HPD: variants seen among roughly 807,000 people sequenced by gnomAD.
HPD encodes the protein 4-hydroxyphenylpyruvic acid oxidase.
A neutral mutation model predicts 56.9 loss-of-function variants in HPD; 35 were observed. The ratio of observed to expected loss-of-function variants is 0.62; its 90% CI spans 0.47 to 0.82. The LOEUF is 0.82. Among genes scored for constraint, HPD ranks in the 40% least tolerant of loss-of-function variants. The probability of loss-of-function intolerance (pLI) is 0.00; values close to 1 mark genes in which losing one functional copy is unlikely to be tolerated. For synonymous variants in HPD, 186 were observed against 200.2 expected (o/e 0.93, Z 0.60); for missense variants, 442 against 506.8 (o/e 0.87, Z 1.23).
chr12:121,888,590 T>A, the HPD span: 1 of 489,368 alleles, frequency 2.0e-6, no homozygotes, highest in East Asian at 3.6e-5. Flanking sequence ...GATCATCCCC[T>A]AGCGTTGGTG....
the HPD span, among the ~76,000 whole-genome samples, chr12:121,887,632 A>G: frequency 2.6e-5 from 4 of 152,154 alleles, no homozygotes; most frequent in Non-Finnish European, 5.9e-5. Context: ...ACAGCCTCCC[A>G]AAGTGCTGGG....
At chr12:121,866,300 CAA>C (rs71453584), upstream of HPD, among the ~76,000 whole-genome samples, 70 of 95,002 alleles carry the variant, frequency 7.4e-4, no homozygotes, top group Admixed American at 9.6e-4. Flanking sequence ...GACTCCGCCT[CAA>C]AAAAAAAAAA....
upstream of HPD, among the ~76,000 whole-genome samples, chr12:121,860,319 A>C (rs1878141680): frequency 6.6e-6 from 1 of 152,118 alleles, no homozygotes; most frequent in Admixed American, 6.6e-5. Context: ...GCTGTGGCCA[A>C]CTCAAACCCC....
rs777553334 is a variant in HPD, at chr12:121,854,736, C to G, written c.381G>C (p.Lys127Asn). ...IMREPWVEQDKFGKVKFAVLQ... is the reference protein window; with the variant it reads ...IMREPWVEQDNFGKVKFAVLQ... Reference sequence around the variant, plus strand: ...GCACAGCAAACTTCACCTTCCCAAACTTGTCTTGCTCTACCCAGGGCTCCC... The same window carrying G: ...GCACAGCAAACTTCACCTTCCCAAAGTTGTCTTGCTCTACCCAGGGCTCCC... Residue 127 changes from lysine (K) to asparagine (N), a missense_variant, in exon 7 of 14, where the codon AAG becomes AAC. Coordinates refer to ENST00000289004, the MANE Select transcript of HPD (RefSeq NM_002150.3). 1 of 1,614,158 alleles carries G rather than the reference C, an allele frequency of 6.2e-7. No individual in the cohort carries two copies. The highest frequency in any genetic ancestry group is 8.5e-7 in the Non-Finnish European group (1 of 1,179,996).
chr12:121,862,360 C>T (rs11829305), upstream of HPD, among the ~76,000 whole-genome samples: 2,749 of 148,366 alleles, frequency 0.019, 84 homozygotes, highest in African/African-American at 0.065. Context: ...TGCAATGGTG[C>T]GATCTCGGCT....
intron 7 of HPD, among the ~76,000 whole-genome samples, chr12:121,852,709 A>G (rs1276140555): frequency 1.5e-5 from 2 of 130,842 alleles, no homozygotes; most frequent in African/African-American, 6.0e-5. Flanking sequence ...ATCTTGGCTC[A>G]CTGCAACCTC....
chr12:121,841,698 T>C (rs1174937816), intron 12 of HPD, among the ~76,000 whole-genome samples: 2 of 151,828 alleles, frequency 1.3e-5, no homozygotes, highest in Non-Finnish European at 2.9e-5. Context: ...TTTTTTTTTT[T>C]TCCGAGATGG....
At chr12:121,883,306 G>A in the HPD span, among the ~76,000 whole-genome samples, 1 of 150,782 alleles carries the variant, frequency 6.6e-6, no homozygotes, top group Non-Finnish European at 1.5e-5. Flanking sequence ...CAAGAGAAGG[G>A]CACTGAAGCC....
chr12:121,886,405 G>T, the HPD span, among the ~76,000 whole-genome samples: 1 of 143,412 alleles, frequency 7.0e-6, no homozygotes, highest in Non-Finnish European at 1.5e-5. Context: ...ACCGCGCCTG[G>T]CCTAGTTTTT....
At chr12:121,857,910 TTC>T in intron 2 of HPD, 91 bp from the exon 3 acceptor site, 2 of 953,174 alleles carry the variant, frequency 2.1e-6, no homozygotes, top group South Asian at 2.7e-5. Flanking sequence ...ACCCTCCTTA[TTC>T]CAGCCTCAAC....
intron 11 of HPD, among the ~76,000 whole-genome samples, chr12:121,844,546 G>A (rs552805015): frequency 1.3e-5 from 2 of 148,872 alleles, no homozygotes; most frequent in South Asian, 2.1e-4. Flanking sequence ...TCAGGAGTTG[G>A]AGACCAGCCT....
the HPD span, among the ~76,000 whole-genome samples, chr12:121,880,006 G>A: frequency 6.6e-6 from 1 of 151,938 alleles, no homozygotes; most frequent in East Asian, 1.9e-4. Context: ...AATTAGCTGG[G>A]TGTGGTGGTG....
the HPD span, among the ~76,000 whole-genome samples, chr12:121,878,409 T>C: frequency 6.6e-6 from 1 of 152,166 alleles, no homozygotes; most frequent in African/African-American, 2.4e-5. Context: ...GGTATAGTGG[T>C]ATGATCTTGG....
chr12:121,865,564 C>T (rs1878304410), upstream of HPD, among the ~76,000 whole-genome samples: 1 of 147,050 alleles, frequency 6.8e-6, no homozygotes, highest in Non-Finnish European at 1.5e-5. Flanking sequence ...CCACTGTGCC[C>T]AGCCACGACA....
At chr12:121,887,181 T>G in the HPD span, among the ~76,000 whole-genome samples, 1 of 151,838 alleles carries the variant, frequency 6.6e-6, no homozygotes, top group African/African-American at 2.4e-5. Context: ...ATTACAGGTG[T>G]GAATCACCAC....
rs928859695 is a variant in HPD at position 121,843,780 on chromosome 12, T to C, written c.884A>G (p.Tyr295Cys). 5.0e-6 allele frequency: 8 copies of C among 1,614,020 alleles called. No homozygotes were observed. In the South Asian group the frequency reaches 5.5e-5, roughly 11 times the overall value. Residue 295 changes from tyrosine (Y) to cysteine (C), a missense_variant, in exon 12 of 14, where the codon TAC becomes TGC. Transcript: ENST00000289004. ...CAGCTTCTCCCGCAGTTGTTTGTAGTACGTGGAGGGAACAGATAAGAACTC... is the reference window on the plus strand; with the variant it reads ...CAGCTTCTCCCGCAGTTGTTTGTAGCACGTGGAGGGAACAGATAAGAACTC... ...GLEFLSVPST[Y>C]YKQLREKLKT...
intron 7 of HPD, among the ~76,000 whole-genome samples, chr12:121,852,126 C>A (rs1234236302): frequency 1.3e-5 from 2 of 151,972 alleles, no homozygotes; most frequent in Non-Finnish European, 1.5e-5. Flanking sequence ...CTCAAGCAAT[C>A]CTCCCACCTC....
intron 7 of HPD, among the ~76,000 whole-genome samples, chr12:121,854,491 C>G (rs1877920791): frequency 6.6e-6 from 1 of 152,210 alleles, no homozygotes; most frequent in African/African-American, 2.4e-5. Flanking sequence ...CTGTCATCCT[C>G]CCGCACTGGG....
At chr12:121,842,981 C>T (rs1041046955) in intron 12 of HPD, among the ~76,000 whole-genome samples, 1 of 151,238 alleles carries the variant, frequency 6.6e-6, no homozygotes, top group African/African-American at 2.4e-5. Flanking sequence ...CTCCTGACCT[C>T]ATGATCCGCC....
Sources: gnomAD v4.1 joint callset for allele counts (sites outside exome capture counted in the v4.1 genomes callset) on GRCh38, gnomAD v4.1.1 for gene constraint, MANE v1.5 for transcripts, NCBI Gene and HGNC (gene_info 2026-07-23, HGNC 2026-07-21) for gene names.